The following TICRR variants were observed in gnomAD, a reference collection of about 807,000 sequenced individuals.
TICRR encodes the protein TOPBP1 interacting checkpoint and replication regulator, also known as treslin.
In TICRR, 132 loss-of-function variants were observed where a neutral mutation model predicts 178.1. That is an observed-to-expected ratio of 0.74 (90% CI 0.64 to 0.86). The LOEUF (loss-of-function observed/expected upper bound fraction) is 0.86, where lower values mean the gene tolerates loss of function less well. Among genes scored for constraint, TICRR ranks in the 40% least tolerant of loss-of-function variants. The pLI is 0.00. For missense variants in TICRR, 2,587 were observed against 2,334.3 expected (o/e 1.11, Z -2.23); for synonymous variants, 991 against 900.7 (o/e 1.10, Z -1.79).
In TICRR at chr15:89,625,399, G is replaced by T; in HGVS notation, c.5089G>T (p.Gly1697Cys). 6.2e-7 allele frequency: 1 copy of T among 1,613,914 alleles called. No individual in the cohort carries two copies. The highest frequency in any genetic ancestry group is 2.2e-5 in the East Asian group (1 of 44,842). The change falls in exon 20 of 22, where the codon GGC becomes TGC. Residue 1697 changes from glycine to cysteine, a missense_variant. Coordinates refer to ENST00000268138, the MANE Select transcript of TICRR (RefSeq NM_152259.4). The stretch of plus-strand genomic sequence containing the variant: ...GAAGAGGGCGGTGGGCTGTGGCGCC[G>T]GCTCCTCTTCCGGGAGGGGCGAGGT... ...RRKRAVGCGA[G>C]SSSGRGEVGA... is the part of the protein sequence containing the mutation.
At position 89,624,063 on chromosome 15, in the gene TICRR, T is replaced by C. The variant is rs200621044; in HGVS notation, c.3753T>C (p.Pro1251=). 1 of 1,612,934 alleles carries C rather than the reference T, an allele frequency of 6.2e-7. No individual in the cohort carries two copies. Among genetic ancestry groups the C allele is most frequent in the Non-Finnish European group, 8.5e-7 (1 of 1,179,738 alleles). Reference sequence around the variant, plus strand: ...CCATCAGAGACCCTCTCAGAACACCTCCGAGAGCAGCAGCCTTCATGGGCA... The same window carrying C: ...CCATCAGAGACCCTCTCAGAACACCCCCGAGAGCAGCAGCCTTCATGGGCA... ...LTPIRDPLRT[P]PRAAAFMGTP... is the part of the protein sequence containing the mutation. Residue 1251 remains proline, a synonymous_variant, in exon 20 of 22, where the codon CCT becomes CCC. Coordinates refer to ENST00000268138, the MANE Select transcript of TICRR (RefSeq NM_152259.4).
chr15:89,591,969 G>A (rs1161050537), intron 4 of TICRR, 78 bp from the exon 5 acceptor site: 7 of 1,400,020 alleles, frequency 5.0e-6, no homozygotes, highest in Non-Finnish European at 6.9e-6. Flanking sequence ...CAGTCCAGGG[G>A]AGGAGCAAGT....
chr15:89,590,376 A>G (rs143766540), intron 4 of TICRR, among the ~76,000 whole-genome samples: 6 of 152,298 alleles, frequency 3.9e-5, no homozygotes, highest in Non-Finnish European at 8.8e-5. Flanking sequence ...TTACTTACCA[A>G]TTGTGTGTAG....
In TICRR at chr15:89,585,951, C is replaced by G. The variant is rs767622900; in HGVS notation, c.1411+9C>G. 3 of 1,609,578 alleles carry G rather than the reference C, an allele frequency of 1.9e-6. No individual in the cohort carries two copies. The highest frequency in any genetic ancestry group is 8.5e-7 in the Non-Finnish European group (1 of 1,176,100). ...AGATACTGCTTCTGCTGGTAAGCTC[C>G]TAAACTAGTAACTAACAGAGTCTAG... On this transcript the variant is annotated intron_variant, in intron 4 of 21. Transcript: ENST00000268138.
chr15:89,625,647 C>T lies in TICRR; in HGVS notation c.5337C>T (p.Ala1779=). ...GLSSRKRVLL[A]KEEADRGAKR... The stretch of plus-strand genomic sequence containing the variant: ...GTTCCAGGAAGAGAGTCCTGTTGGC[C>T]AAGGAAGAAGCTGACCGTGGAGCCA... The change falls in exon 20 of 22, where the codon GCC becomes GCT. Residue 1779 remains alanine, a synonymous_variant. Transcript: ENST00000268138. 1 of 1,613,520 alleles carries T rather than the reference C, an allele frequency of 6.2e-7. No homozygotes were observed. Among genetic ancestry groups the T allele is most frequent in the African/African-American group, 1.3e-5 (1 of 74,974 alleles).
At chr15:89,622,855 G>A (rs1343947173) in intron 19 of TICRR, among the ~76,000 whole-genome samples, 1 of 152,192 alleles carries the variant, frequency 6.6e-6, no homozygotes, top group Non-Finnish European at 1.5e-5. Flanking sequence ...CGACACCCAA[G>A]CTTGAAGACC....
At chr15:89,579,470 C>T (rs1364838637) in intron 1 of TICRR, among the ~76,000 whole-genome samples, 5 of 151,960 alleles carry the variant, frequency 3.3e-5, no homozygotes, top group Admixed American at 6.6e-5. Context: ...CTCAGCCTCC[C>T]GAGTAGCTGG....
chr15:89,590,365 C>T (rs1360542747), intron 4 of TICRR, among the ~76,000 whole-genome samples: 2 of 152,134 alleles, frequency 1.3e-5, no homozygotes, highest in Non-Finnish European at 1.5e-5. Flanking sequence ...CTGTCACTAC[C>T]TTACTTACCA....
chr15:89,621,477 C>G lies in TICRR; in HGVS notation c.3239C>G (p.Ser1080Ter). Reference sequence around the variant, plus strand: ...GCAATGTCTGAGATGATCAGCCCCTCAGAAAAGGGTTCAGCTCGAATGAAA... The same window carrying G: ...GCAATGTCTGAGATGATCAGCCCCTGAGAAAAGGGTTCAGCTCGAATGAAA... ...FGAMSEMISP[S>*]EKGSARMKKR... The change falls in exon 19 of 22, where the codon TCA becomes TGA. Residue 1080 changes from serine to a stop codon, truncating the protein, a stop_gained. Transcript: ENST00000268138. LOFTEE classifies it high-confidence loss of function. 6.2e-7 allele frequency: 1 copy of G among 1,614,098 alleles called. No individual in the cohort carries two copies. Among genetic ancestry groups the G allele is most frequent in the Non-Finnish European group, 8.5e-7 (1 of 1,179,980 alleles).
intron 18 of TICRR, 57 bp from the exon 19 acceptor site, chr15:89,621,336 A>AT: frequency 6.4e-7 from 1 of 1,551,440 alleles, no homozygotes; most frequent in East Asian, 2.3e-5. Context: ...TTTTAATAGT[A>AT]TTGGAAGAAC....
chr15:89,599,256 A>T, intron 7 of TICRR, 68 bp from the exon 8 acceptor site: 1 of 1,325,108 alleles, frequency 7.5e-7, no homozygotes, highest in Non-Finnish European at 1.0e-6. Context: ...GTGGACAACA[A>T]CTGGCCTAAG....
In TICRR at chr15:89,627,204, A is replaced by G. The variant is rs1022594793; in HGVS notation, c.*118A>G. The G allele has an allele frequency of 5.5e-6, 7 of 1,268,466 alleles. No homozygotes were observed. In the Admixed American group the frequency reaches 1.4e-4, roughly 26 times the overall value. The allele number at this position is 1,268,466 out of a possible 1,614,324, so 78.6% of individuals were successfully genotyped here. A position where few individuals can be genotyped will look rare whatever the true frequency, so the allele number is the denominator to read the frequency against. On this transcript the variant is annotated 3_prime_UTR_variant, in exon 22 of 22. Coordinates refer to ENST00000268138, the MANE Select transcript of TICRR (RefSeq NM_152259.4). ...CATGGTCAGTGTTCAGATTGCCATT[A>G]GAATGCCTTAGGGTTTTCTAATTCC...
Position 89,592,112 on chromosome 15 carries a change from G to T in TICRR, c.1477G>T (p.Val493Leu). 1 of 1,612,514 alleles carries T rather than the reference G, an allele frequency of 6.2e-7. No homozygotes were observed. The highest frequency in any genetic ancestry group is 8.5e-7 in the Non-Finnish European group (1 of 1,178,658). Residue 493 changes from valine to leucine, a missense_variant, in exon 5 of 22, where the codon GTG becomes TTG. Physicochemically the swap from Val to Leu is conservative, Grantham distance 32. Coordinates refer to ENST00000268138, the MANE Select transcript of TICRR (RefSeq NM_152259.4). ...CACCACTCCCTGGAGTCCAGCTGTT[G>T]TGGAAAAGTGGTTTCCTTTCTGTAA... The part of the protein sequence containing the change: ...GHTTPWSPAV[V>L]EKWFPFCNIS...
In TICRR at chr15:89,608,808, A is replaced by T. The variant is rs1359156457; in HGVS notation, c.2728A>T (p.Thr910Ser). 6.2e-7 allele frequency: 1 copy of T among 1,600,630 alleles called. No individual in the cohort carries two copies. Among genetic ancestry groups the T allele is most frequent in the Non-Finnish European group, 8.5e-7 (1 of 1,175,626 alleles). Residue 910 changes from threonine (T) to serine (S), a missense_variant, in exon 15 of 22, where the codon ACC (threonine) becomes TCC (serine). Coordinates refer to ENST00000268138, the MANE Select transcript of TICRR (RefSeq NM_152259.4). ...TTAATTTTTGATGCTTTCAGAAGTGACCAAAGTTCGAAGAAATCTTTTCAA... is the reference window on the plus strand; with the variant it reads ...TTAATTTTTGATGCTTTCAGAAGTGTCCAAAGTTCGAAGAAATCTTTTCAA... ...QPVKDTVQEV[T>S]KVRRNLFNQE...
At chr15:89,606,897 C>T (rs1384909761) in intron 14 of TICRR, 72 bp downstream of exon 14, 1 of 1,308,408 alleles carries the variant, frequency 7.6e-7, no homozygotes, top group Non-Finnish European at 1.1e-6. Flanking sequence ...TGTATTTAAG[C>T]AGCTGCTTAC....
chr15:89,625,107 G>C lies in TICRR; in HGVS notation c.4797G>C (p.Glu1599Asp), dbSNP rs761875589. The C allele has an allele frequency of 1.9e-5, 31 of 1,613,926 alleles. No individual in the cohort carries two copies. The highest frequency in any genetic ancestry group is 2.6e-5 in the Non-Finnish European group (31 of 1,179,994). ...AGGAGGAGAGCTCTCTGGGAGAAGA[G>C]AGCTTCCTCCCTGCTCTCAGCATGC... ...LSKEESSLGE[E>D]SFLPALSMPR... Residue 1599 changes from glutamate to aspartate, a missense_variant, in exon 20 of 22, where the codon GAG becomes GAC. Coordinates refer to ENST00000268138, the MANE Select transcript of TICRR (RefSeq NM_152259.4).
Position 89,624,634 on chromosome 15 carries a change from G to A in TICRR, c.4324G>A (p.Gly1442Ser). The A allele has an allele frequency of 6.2e-7, 1 of 1,614,050 alleles. No homozygotes were observed. Among genetic ancestry groups the A allele is most frequent in the Non-Finnish European group, 8.5e-7 (1 of 1,180,030 alleles). Reference protein sequence around the residue: ...QSPPERRGYPGPGLRSDWHAS... With the variant: ...QSPPERRGYPSPGLRSDWHAS... ...TCCTCCTGAAAGACGGGGCTACCCA[G>A]GCCCTGGTCTCAGGAGTGATTGGCA... The change falls in exon 20 of 22, where the codon GGC becomes AGC. Residue 1442 changes from glycine to serine, a missense_variant. Gly to Ser is a moderately conservative substitution (Grantham distance 56). Coordinates refer to ENST00000268138, the MANE Select transcript of TICRR (RefSeq NM_152259.4).
At chr15:89,588,069 T>A (rs1156782713) in intron 4 of TICRR, among the ~76,000 whole-genome samples, 1 of 152,092 alleles carries the variant, frequency 6.6e-6, no homozygotes, top group East Asian at 1.9e-4. Context: ...GGCAAAAATG[T>A]AAGGGCTGGG....
intron 4 of TICRR, among the ~76,000 whole-genome samples, chr15:89,588,273 G>A (rs371903427): frequency 3.9e-5 from 6 of 152,140 alleles, no homozygotes; most frequent in Non-Finnish European, 7.4e-5. Flanking sequence ...GAAGTTTGCC[G>A]GGATAGTCGT....
Sources: allele counts gnomAD v4.1 joint callset (sites outside exome capture counted in the v4.1 genomes callset), GRCh38; gene constraint gnomAD v4.1.1; transcripts MANE v1.5; gene names NCBI Gene and HGNC (gene_info 2026-07-23, HGNC 2026-07-21).